Variants in TTC28 observed in about 807,000 individuals in gnomAD.
TTC28 encodes the protein tetratricopeptide repeat protein 28.
TTC28 carries 61 observed loss-of-function variants against 198.0 expected under a neutral mutation model. The observed-to-expected ratio is 0.31, with a 90% confidence interval of 0.25 to 0.38. The LOEUF (loss-of-function observed/expected upper bound fraction) is 0.38. Among genes scored for constraint, TTC28 ranks in the 10% least tolerant of loss-of-function variants. TTC28 has a pLI of 1.00. For synonymous variants in TTC28, 1,171 were observed against 1,297.8 expected (o/e 0.90, Z 2.10); for missense variants, 2,678 against 3,164.0 (o/e 0.85, Z 3.69).
intron 18 of TTC28, 125 bp from the exon 19 acceptor site, chr22:27,992,788 G>T: frequency 1.2e-6 from 1 of 865,354 alleles, no homozygotes; most frequent in Non-Finnish European, 1.8e-6. Flanking sequence ...GCTCAGCACA[G>T]CTAGACATGT....
chr22:28,086,303 A>C (rs1941595546), intron 12 of TTC28, among the ~76,000 whole-genome samples: 1 of 152,180 alleles, frequency 6.6e-6, no homozygotes, highest in Admixed American at 6.6e-5. Context: ...GAGACATTAT[A>C]ACAAACTGTC....
intron 2 of TTC28, among the ~76,000 whole-genome samples, chr22:28,416,599 T>A (rs1237472431): frequency 6.6e-6 from 1 of 152,186 alleles, no homozygotes; most frequent in Non-Finnish European, 1.5e-5. Context: ...TGTCTATCAA[T>A]CTTACTGCTT....
intron 2 of TTC28, among the ~76,000 whole-genome samples, chr22:28,332,478 GTTGA>G (rs1446588876): frequency 1.3e-5 from 2 of 151,990 alleles, no homozygotes; most frequent in South Asian, 4.2e-4. Flanking sequence ...CAGCAACCAT[GTTGA>G]TTATTTTCAA....
intron 2 of TTC28, among the ~76,000 whole-genome samples, chr22:28,610,764 C>T (rs192275873): frequency 9.3e-4 from 141 of 152,180 alleles, no homozygotes; most frequent in Non-Finnish European, 5.1e-4. Flanking sequence ...TGGGTAATAA[C>T]AAACTCCTTC....
At chr22:28,088,929 G>A (rs1240644907) in intron 12 of TTC28, among the ~76,000 whole-genome samples, 2 of 152,178 alleles carry the variant, frequency 1.3e-5, no homozygotes, top group East Asian at 3.8e-4. Context: ...ACCATCACTG[G>A]CCATCAGAGA....
chr22:28,001,652 C>T (rs776425458), intron 14 of TTC28, 99 bp from the exon 15 acceptor site: 42 of 1,394,674 alleles, frequency 3.0e-5, no homozygotes, highest in African/African-American at 5.7e-5. Context: ...GACACAAGCA[C>T]GAGCAGGTGA....
At position 28,230,140 on chromosome 22, in the gene TTC28, G is replaced by A. The variant is rs570621514; in HGVS notation, c.933+66058C>T. Among the ~76,000 whole-genome samples, 9 of 152,282 alleles carry A rather than the reference G, an allele frequency of 5.9e-5. No homozygotes were observed. The South Asian group carries it at 1.0e-3, about 18-fold the overall frequency. On this transcript the variant is annotated intron_variant, in intron 5 of 22. Coordinates refer to ENST00000397906, the MANE Select transcript of TTC28 (RefSeq NM_001145418.2). ...GCAGATTCTGACCGGCATCACTTCC[G>A]CAGTGAAAGGTAACAAAATCTGACA...
intron 2 of TTC28, among the ~76,000 whole-genome samples, chr22:28,592,492 T>TA (rs928046536): frequency 2.5e-4 from 38 of 149,896 alleles, no homozygotes; most frequent in African/African-American, 5.9e-4. Flanking sequence ...ATCTGTAATT[T>TA]AAAAAAAAAA....
chr22:28,412,747 G>A (rs2047101847), intron 2 of TTC28, among the ~76,000 whole-genome samples: 1 of 152,156 alleles, frequency 6.6e-6, no homozygotes, highest in Non-Finnish European at 1.5e-5. Context: ...TTTTTATGTA[G>A]TTTGTGTATT....
At chr22:28,153,634 T>C (rs1326237152) in intron 6 of TTC28, among the ~76,000 whole-genome samples, 1 of 152,136 alleles carries the variant, frequency 6.6e-6, no homozygotes, top group Non-Finnish European at 1.5e-5. Flanking sequence ...TATGTCGATT[T>C]TATTCATTAA....
intron 13 of TTC28, among the ~76,000 whole-genome samples, chr22:28,023,439 G>A (rs1360837784): frequency 6.6e-6 from 1 of 152,224 alleles, no homozygotes; most frequent in Non-Finnish European, 1.5e-5. Context: ...GCAGTCATTG[G>A]GGTGGGCTTC....
intron 6 of TTC28, among the ~76,000 whole-genome samples, chr22:28,159,620 C>T: frequency 6.8e-6 from 1 of 147,016 alleles, no homozygotes; most frequent in Non-Finnish European, 1.5e-5. Flanking sequence ...GATCATGCCA[C>T]TGCATTCCAG....
At chr22:28,027,244 G>A (rs562876877) in intron 13 of TTC28, among the ~76,000 whole-genome samples, 6 of 152,216 alleles carry the variant, frequency 3.9e-5, no homozygotes, top group Non-Finnish European at 8.8e-5. Flanking sequence ...GGGTAGGGCT[G>A]CTGCTCTGCC....
intron 5 of TTC28, among the ~76,000 whole-genome samples, chr22:28,211,068 A>C (rs578181259): frequency 4.8e-4 from 73 of 152,290 alleles, no homozygotes; most frequent in Non-Finnish European, 7.9e-4. Context: ...AATCCTTTAC[A>C]GACAAGCAAA....
Position 27,993,434 on chromosome 22 carries a change from C to T in TTC28, c.5329G>A (p.Gly1777Ser), listed in dbSNP as rs369701523. 76 of 1,551,588 alleles carry T rather than the reference C, an allele frequency of 4.9e-5. 2 individuals are homozygous for T. The highest frequency in any genetic ancestry group is 3.3e-4 in the Middle Eastern group (2 of 5,992). The change falls in exon 18 of 23, where the codon GGC (glycine) becomes AGC (serine). Residue 1777 changes from glycine (G) to serine (S), a missense_variant. Gly to Ser is a moderately conservative substitution (Grantham distance 56). Around this residue, in one of 8 missense-constraint regions of TTC28, gnomAD observed 314 missense variants for 442.7 expected, o/e 0.71. Transcript: ENST00000397906. Reference protein sequence around the residue: ...SQQSVENKVGGIPGWQALLTA... With the variant: ...SQQSVENKVGSIPGWQALLTA... ...AGGAGGGCCTGCCAGCCAGGGATGC[C>T]GCCCACTTTGTTCTCCACACTCTGC...
intron 1 of TTC28, among the ~76,000 whole-genome samples, chr22:28,648,761 T>G (rs2051519728): frequency 6.6e-6 from 1 of 152,002 alleles, no homozygotes; most frequent in Non-Finnish European, 1.5e-5. Flanking sequence ...ATACAAAAAT[T>G]AGCTGGGCGT....
intron 2 of TTC28, among the ~76,000 whole-genome samples, chr22:28,606,722 G>A (rs183510469): frequency 3.9e-5 from 6 of 152,102 alleles, no homozygotes; most frequent in East Asian, 1.9e-4. Context: ...AGATTCAAAC[G>A]CATACAAATT....
Position 28,642,747 on chromosome 22 carries a change from G to A in TTC28, c.103-12917C>T, listed in dbSNP as rs539463811. Reference sequence around the variant, plus strand: ...AAAGAGGTGAGGGTACAAAGTAAAAGGTCAGAGAGGTAACTGGGGCCCAGT... The same window carrying A: ...AAAGAGGTGAGGGTACAAAGTAAAAAGTCAGAGAGGTAACTGGGGCCCAGT... On this transcript the variant is annotated intron_variant, in intron 1 of 22. Transcript: ENST00000397906. Among the ~76,000 whole-genome samples, 6 of 152,312 alleles carry A rather than the reference G, an allele frequency of 3.9e-5. 1 individual carries two copies. The East Asian group carries it at 1.2e-3, about 29-fold the overall frequency.
chr22:28,270,530 T>TA (rs144994975), intron 5 of TTC28, among the ~76,000 whole-genome samples: 64 of 148,984 alleles, frequency 4.3e-4, no homozygotes, highest in Admixed American at 1.3e-3. Flanking sequence ...AATCTGATAT[T>TA]AAAAAAAAAA....
Sources: gnomAD v4.1 joint callset for allele counts (sites outside exome capture counted in the v4.1 genomes callset) on GRCh38, gnomAD v4.1.1 for gene constraint, gnomAD v4.1.1 regional missense constraint, MANE v1.5 for transcripts, NCBI Gene and HGNC (gene_info 2026-07-23, HGNC 2026-07-21) for gene names.